The following ZPBP variants were observed in gnomAD, a reference collection of about 807,000 sequenced individuals.
ZPBP encodes zona pellucida binding protein, also known as zona pellucida-binding protein 1.
A neutral mutation model predicts 44.8 loss-of-function variants in ZPBP; 26 were observed. The ratio of observed to expected loss-of-function variants is 0.58; its 90% CI spans 0.43 to 0.81. ZPBP has a LOEUF of 0.81. Among genes scored for constraint, ZPBP ranks in the 30% least tolerant of loss-of-function variants. ZPBP has a pLI of 0.00. For synonymous variants in ZPBP, 174 were observed against 153.2 expected (o/e 1.14, Z -1.00); for missense variants, 409 against 434.0 (o/e 0.94, Z 0.51).
intron 1 of ZPBP, among the ~76,000 whole-genome samples, chr7:50,090,283 T>C (rs549717254): frequency 6.6e-6 from 1 of 151,376 alleles, no homozygotes; most frequent in Non-Finnish European, 1.5e-5. Context: ...CCAAAGACCA[T>C]TGTATCATTC....
At chr7:49,912,141 G>C (rs745745635) in intron 1 of ZPBP, 1 of 1,613,912 alleles carries the variant, frequency 6.2e-7, no homozygotes, top group African/African-American at 1.3e-5. Flanking sequence ...ATGGAGAATC[G>C]AGCGGCAGGC....
At chr7:50,072,388 C>T (rs1377640799) in intron 3 of ZPBP, among the ~76,000 whole-genome samples, 1 of 152,242 alleles carries the variant, frequency 6.6e-6, no homozygotes, top group East Asian at 1.9e-4. Flanking sequence ...CCCTGAATCC[C>T]AGACAGCACT....
chr7:49,988,238 G>A (rs1015921810), intron 6 of ZPBP, among the ~76,000 whole-genome samples: 1 of 152,012 alleles, frequency 6.6e-6, no homozygotes, highest in African/African-American at 2.4e-5. Context: ...AAATAATATG[G>A]AAATTTGGAA....
intron 2 of ZPBP, among the ~76,000 whole-genome samples, 183 bp from the exon 3 acceptor site, chr7:50,082,082 T>C (rs530865211): frequency 6.6e-6 from 1 of 152,024 alleles, no homozygotes; most frequent in East Asian, 1.9e-4. Flanking sequence ...ATATATTATG[T>C]ATTTGTATGT....
At chr7:49,979,846 TAA>T (rs1367042500) in intron 7 of ZPBP, among the ~76,000 whole-genome samples, 19 of 64,086 alleles carry the variant, frequency 3.0e-4, no homozygotes, top group Non-Finnish European at 4.9e-4. Context: ...TATATATATA[TAA>T]AATATATATA....
intron 2 of ZPBP, among the ~76,000 whole-genome samples, chr7:49,896,702 G>A (rs534432688): frequency 7.9e-5 from 12 of 151,426 alleles, no homozygotes; most frequent in African/African-American, 2.9e-4. Flanking sequence ...AAAATAGGAG[G>A]TATGATTACA....
intron 2 of ZPBP, among the ~76,000 whole-genome samples, chr7:49,863,483 A>G (rs1790749514): frequency 6.6e-6 from 1 of 151,948 alleles, no homozygotes. Flanking sequence ...CACAGGCTGG[A>G]GTGCATGGCA....
chr7:50,090,641 ACACATG>A (rs1336708366), intron 1 of ZPBP, among the ~76,000 whole-genome samples: 3 of 151,538 alleles, frequency 2.0e-5, no homozygotes, highest in African/African-American at 7.3e-5. Flanking sequence ...ATATACACAC[ACACATG>A]CACACACACA....
chr7:49,872,942 G>GA (rs1479439569), intron 2 of ZPBP, among the ~76,000 whole-genome samples: 4 of 101,264 alleles, frequency 4.0e-5, no homozygotes, highest in African/African-American at 1.4e-4. Context: ...AAAAAAGAAA[G>GA]AAAAAAATAA....
intron 6 of ZPBP, among the ~76,000 whole-genome samples, chr7:49,999,262 A>ATG (rs1200464373): frequency 1.3e-4 from 13 of 103,394 alleles, no homozygotes; most frequent in East Asian, 7.7e-4. Context: ...ATTTTTATAT[A>ATG]TGTGTGTGTA....
intron 2 of ZPBP, among the ~76,000 whole-genome samples, chr7:49,888,941 A>G (rs551907426): frequency 2.3e-4 from 35 of 152,026 alleles, no homozygotes; most frequent in Non-Finnish European, 4.9e-4. Flanking sequence ...ACAAAAAAAA[A>G]CAAAAGAAGT....
At chr7:49,976,053 A>C (rs1796500721) in intron 7 of ZPBP, among the ~76,000 whole-genome samples, 1 of 152,152 alleles carries the variant, frequency 6.6e-6, no homozygotes, top group South Asian at 2.1e-4. Context: ...CTACTATTAC[A>C]ATCTAATACA....
intron 6 of ZPBP, among the ~76,000 whole-genome samples, chr7:50,002,355 G>A (rs1046166839): frequency 6.6e-6 from 1 of 152,234 alleles, no homozygotes; most frequent in East Asian, 1.9e-4. Context: ...GACATGTGGA[G>A]ATTATTACAA....
chr7:49,964,450 C>T (rs949863443), intron 7 of ZPBP, among the ~76,000 whole-genome samples: 21 of 151,938 alleles, frequency 1.4e-4, no homozygotes, highest in Non-Finnish European at 2.8e-4. Flanking sequence ...ACAAAGCCCA[C>T]ATACAAAATA....
intron 1 of ZPBP, chr7:49,913,374 A>G (rs988983547): frequency 1.3e-5 from 2 of 152,234 alleles, no homozygotes; most frequent in African/African-American, 4.8e-5. Flanking sequence ...ATTAATGCAT[A>G]ATAGAAAATA....
chr7:50,065,813 T>C (rs1408465412), intron 3 of ZPBP, among the ~76,000 whole-genome samples: 3 of 151,040 alleles, frequency 2.0e-5, no homozygotes, highest in Non-Finnish European at 4.4e-5. Flanking sequence ...CAGGGTTGGA[T>C]GCATTTGAGT....
intron 4 of ZPBP, among the ~76,000 whole-genome samples, chr7:50,044,142 A>G (rs1800226429): frequency 1.3e-5 from 2 of 152,222 alleles, no homozygotes. Flanking sequence ...ACGTACCAGA[A>G]TCTCTGGGAC....
At chr7:49,942,735 T>C (rs1026283685) in intron 7 of ZPBP, 2 of 153,362 alleles carry the variant, frequency 1.3e-5, no homozygotes, top group African/African-American at 2.4e-5. Context: ...CCTTCTTCAA[T>C]AGAAAAGCTC....
At chr7:49,940,852 A>G in intron 7 of ZPBP, 2 of 948,826 alleles carry the variant, frequency 2.1e-6, no homozygotes, top group Non-Finnish European at 2.5e-6. Context: ...TGATGGGTGC[A>G]GTTCCTGAAA....
Sources: gnomAD v4.1 joint callset for allele counts (sites outside exome capture counted in the v4.1 genomes callset) on GRCh38, gnomAD v4.1.1 for gene constraint, MANE v1.5 for transcripts, NCBI Gene and HGNC (gene_info 2026-07-23, HGNC 2026-07-21) for gene names.